The following NDFIP2 variants were observed in gnomAD, a reference collection of about 807,000 sequenced individuals.
The protein encoded by NDFIP2 is Nedd4 family interacting protein 2.
Under a neutral mutation model 36.0 loss-of-function variants are expected in NDFIP2, and 19 were observed. The observed-to-expected ratio is 0.53, with a 90% CI of 0.37 to 0.77. NDFIP2 has a LOEUF of 0.77. NDFIP2 is among the 30% of genes least tolerant of loss of function. The pLI, the probability that NDFIP2 is intolerant of heterozygous loss-of-function variation, is 0.00. For synonymous variants in NDFIP2, 181 were observed against 167.7 expected, an observed-to-expected ratio of 1.08 and a Z score of -0.61; for missense variants, 446 against 435.8, an observed-to-expected ratio of 1.02 and a Z score of -0.21.
At chr13:79,540,032 A>G (rs1413282208) in intron 4 of NDFIP2, among the ~76,000 whole-genome samples, 5 of 152,244 alleles carry the variant, frequency 3.3e-5, no homozygotes, top group Non-Finnish European at 7.3e-5. Context: ...GTACATAAGC[A>G]TATTTAAGCT....
chr13:79,482,461 G>A (rs1037531372), intron 1 of NDFIP2, among the ~76,000 whole-genome samples: 2 of 152,060 alleles, frequency 1.3e-5, no homozygotes, highest in African/African-American at 4.8e-5. Flanking sequence ...CTGTTGTGCT[G>A]TTGCAGCTAG....
At position 79,538,741 on chromosome 13, in the gene NDFIP2, CCTGG is replaced by C. The variant is rs375242178; in HGVS notation, c.622-938_622-935del. The stretch of plus-strand genomic sequence containing the variant: ...GGGATTACAGGCATGTGCCACCATA[CCTGG>C]CTAATTTTTGTATTTTTAGTAGAGG... On this transcript the variant is annotated intron_variant, in intron 3 of 7. Transcript: ENST00000218652. Among the ~76,000 whole-genome samples the C allele has an allele frequency of 4.4e-3, 676 of 152,304 alleles. 7 individuals are homozygous for C. The highest frequency in any genetic ancestry group is 0.016 in the African/African-American group (653 of 41,564).
intron 3 of NDFIP2, among the ~76,000 whole-genome samples, chr13:79,536,693 A>T (rs1256942252): frequency 6.6e-6 from 1 of 152,050 alleles, no homozygotes; most frequent in East Asian, 1.9e-4. Flanking sequence ...ATTATTTTCA[A>T]ATGTTTGTGT....
At chr13:79,489,514 C>G (rs1873144184) in intron 1 of NDFIP2, among the ~76,000 whole-genome samples, 1 of 152,146 alleles carries the variant, frequency 6.6e-6, no homozygotes, top group African/African-American at 2.4e-5. Flanking sequence ...CTTGCACATA[C>G]ATGGAGGGGA....
At chr13:79,533,213 AT>A in intron 2 of NDFIP2, 109 bp from the exon 3 acceptor site, 1 of 828,650 alleles carries the variant, frequency 1.2e-6, no homozygotes, top group Non-Finnish European at 1.8e-6. Context: ...TAGGCCTATA[AT>A]AGCAATAGTA....
intron 2 of NDFIP2, among the ~76,000 whole-genome samples, chr13:79,531,222 A>G (rs1241397707): frequency 6.6e-6 from 1 of 152,204 alleles, no homozygotes; most frequent in African/African-American, 2.4e-5. Context: ...AGCTTTCAAC[A>G]GTGGACTTAA....
chr13:79,550,808 G>T (rs1313448143), intron 6 of NDFIP2, among the ~76,000 whole-genome samples: 3 of 151,352 alleles, frequency 2.0e-5, no homozygotes, highest in Non-Finnish European at 3.0e-5. Context: ...TTTAATTTTG[G>T]TACATCTAGG....
At chr13:79,534,350 G>GTTTTTTTTT (rs532659161) in intron 3 of NDFIP2, among the ~76,000 whole-genome samples, 2 of 95,406 alleles carry the variant, frequency 2.1e-5, no homozygotes, top group Admixed American at 1.3e-4. Flanking sequence ...TTTGTCAGCT[G>GTTTTTTTTT]TTTTTTTTTT....
In NDFIP2 at chr13:79,548,365, A is replaced by G; in HGVS notation, c.878A>G (p.Tyr293Cys). ...TTTACTGGATATTTCAATGGACAGT[A>G]TTGGCTTTGGTGGATATTTCTTGTA... The part of the protein sequence containing the change: ...DYFTGYFNGQ[Y>C]WLWWIFLVLG... The change falls in exon 6 of 8, where the codon TAT becomes TGT. Residue 293 changes from tyrosine to cysteine, a missense_variant. By Grantham distance (194) the Tyr-to-Cys change is radical. Transcript: ENST00000218652. 6.3e-7 allele frequency: 1 copy of G among 1,594,778 alleles called. No individual in the cohort carries two copies. The highest frequency in any genetic ancestry group is 8.6e-7 in the Non-Finnish European group (1 of 1,168,304).
In NDFIP2 at chr13:79,516,346, C is replaced by T. The variant is rs561726394; in HGVS notation, c.322-4464C>T. On this transcript the variant is annotated intron_variant, in intron 1 of 7. Transcript: ENST00000218652. ...ACTGCTCACTGCAGCCTCCACCTTC[C>T]GGGCTCAGGTTATCCTCCTGCCTCA... is the stretch of plus-strand genomic sequence containing the variant. 9.9e-5 allele frequency among the ~76,000 whole-genome samples: 15 copies of T among 152,220 alleles called. No individual in the cohort carries two copies. In the South Asian group the frequency reaches 1.9e-3, roughly 19 times the overall value.
At chr13:79,497,245 G>A (rs1475070351) in intron 1 of NDFIP2, among the ~76,000 whole-genome samples, 1 of 151,952 alleles carries the variant, frequency 6.6e-6, no homozygotes, top group African/African-American at 2.4e-5. Context: ...GGCCTTTACT[G>A]GTATCGGTTT....
intron 1 of NDFIP2, among the ~76,000 whole-genome samples, chr13:79,509,752 C>T (rs1874011494): frequency 6.6e-6 from 1 of 151,964 alleles, no homozygotes; most frequent in South Asian, 2.1e-4. Flanking sequence ...GTAGGCCTTG[C>T]ATCTGCAAGC....
chr13:79,501,038 A>T (rs1873646875), intron 1 of NDFIP2, among the ~76,000 whole-genome samples: 1 of 152,096 alleles, frequency 6.6e-6, no homozygotes, highest in Non-Finnish European at 1.5e-5. Context: ...ATGTAAATGC[A>T]TATTACTAAG....
rs376825132 is a variant in NDFIP2, at chr13:79,543,698, G to C, written c.840+16G>C. On this transcript the variant is annotated intron_variant, in intron 5 of 7. Transcript: ENST00000218652. ...TATTGTCAGGGTGAGTGTCTTGATA[G>C]CCTGTATCTCTTTTATCTCTAAAAT... 1.1e-4 allele frequency: 185 copies of C among 1,609,972 alleles called. No homozygotes were observed. Among genetic ancestry groups the C allele is most frequent in the Middle Eastern group, 6.6e-4 (4 of 6,042 alleles).
rs1876010699 is a variant in NDFIP2, at chr13:79,554,055, G to T, written c.*1542G>T. The T allele has an allele frequency of 1.3e-5, 2 of 150,750 alleles. No individual in the cohort carries two copies. The highest frequency in any genetic ancestry group is 2.1e-4 in the South Asian group (1 of 4,790). 9.3% of individuals were successfully genotyped at this position (150,750 alleles called of 1,614,324 possible). On this transcript the variant is annotated 3_prime_UTR_variant, in exon 8 of 8. Coordinates refer to ENST00000218652, the MANE Select transcript of NDFIP2 (RefSeq NM_019080.3). ...TTCTGTATTTTCTAATTTTTTCATT[G>T]TCTTTGATAAATAAAACAGTTTTGT...
Position 79,543,701 on chromosome 13 carries a change from T to C in NDFIP2, c.840+19T>C, listed in dbSNP as rs985476493. ...TGTCAGGGTGAGTGTCTTGATAGCC[T>C]GTATCTCTTTTATCTCTAAAATGAG... is the stretch of plus-strand genomic sequence containing the variant. On this transcript the variant is annotated intron_variant, in intron 5 of 7. Transcript: ENST00000218652. 6 of 1,609,090 alleles carry C rather than the reference T, an allele frequency of 3.7e-6. No individual in the cohort carries two copies. The highest frequency in any genetic ancestry group is 1.7e-5 in the Admixed American group (1 of 58,940).
chr13:79,548,573 A>G (rs1325895721), intron 6 of NDFIP2, among the ~76,000 whole-genome samples, 179 bp downstream of exon 6: 1 of 152,106 alleles, frequency 6.6e-6, no homozygotes, highest in East Asian at 1.9e-4. Context: ...TCTTAGATTT[A>G]AAATCCAGAG....
At chr13:79,497,495 T>G (rs755844790) in intron 1 of NDFIP2, among the ~76,000 whole-genome samples, 1 of 151,964 alleles carries the variant, frequency 6.6e-6, no homozygotes, top group Non-Finnish European at 1.5e-5. Context: ...GCTACATCCC[T>G]GCCTGTCTTT....
chr13:79,503,243 C>T (rs189633813), intron 1 of NDFIP2, among the ~76,000 whole-genome samples: 1 of 152,092 alleles, frequency 6.6e-6, no homozygotes, highest in Non-Finnish European at 1.5e-5. Flanking sequence ...ACTCTTATGG[C>T]CTTGTTGGAA....
Sources: allele counts gnomAD v4.1 joint callset (sites outside exome capture counted in the v4.1 genomes callset), GRCh38; gene constraint gnomAD v4.1.1; transcripts MANE v1.5; gene names NCBI Gene and HGNC (gene_info 2026-07-23, HGNC 2026-07-21).